TSPEAR: variants seen among roughly 807,000 people sequenced by gnomAD.
TSPEAR encodes the protein thrombospondin-type laminin G domain and EAR repeat-containing protein.
A neutral mutation model predicts 71.6 loss-of-function variants in TSPEAR; 69 were observed. The observed-to-expected ratio is 0.96, with a 90% CI of 0.79 to 1.18. The LOEUF is 1.18. TSPEAR is among the 50% of genes most tolerant of loss of function. TSPEAR has a pLI of 0.00. For synonymous variants in TSPEAR, 402 were observed against 387.2 expected (o/e 1.04, Z -0.45); for missense variants, 971 against 894.9 (o/e 1.09, Z -1.09).
intron 2 of TSPEAR, among the ~76,000 whole-genome samples, chr21:44,540,482 G>A (rs1358214617): frequency 1.3e-5 from 2 of 152,154 alleles, no homozygotes; most frequent in African/African-American, 4.8e-5. Context: ...AGTGCAGTCC[G>A]GGTTGTAAGA....
chr21:44,658,194 C>A (rs1985275338), intron 1 of TSPEAR: 5 of 1,613,994 alleles, frequency 3.1e-6, no homozygotes, highest in Non-Finnish European at 4.2e-6. Flanking sequence ...TCTTGCCAAT[C>A]TTCGGGGTGC....
At chr21:44,609,181 G>A (rs1981503123) in intron 1 of TSPEAR, among the ~76,000 whole-genome samples, 1 of 152,184 alleles carries the variant, frequency 6.6e-6, no homozygotes, top group Admixed American at 6.5e-5. Flanking sequence ...CTAATACTTA[G>A]GGAGGAGGGA....
In TSPEAR at chr21:44,628,294, T is replaced by G; in HGVS notation, c.83-60289A>C. 4 of 318,274 alleles carry G rather than the reference T, an allele frequency of 1.3e-5. 1 individual carries two copies. Among genetic ancestry groups the G allele is most frequent in the Non-Finnish European group, 2.4e-5 (4 of 168,844 alleles). 19.7% of individuals were successfully genotyped at this position (318,274 alleles called of 1,614,324 possible). A position where few individuals can be genotyped will look rare whatever the true frequency, so the allele number is the denominator to read the frequency against. ...CCACAACCCTCCGCTGGTCGCTGGT[T>G]GGGGACGGGCCCTCCTGACCCGGGT... On this transcript the variant is annotated intron_variant, in intron 1 of 11. Transcript: ENST00000323084.
intron 1 of TSPEAR, among the ~76,000 whole-genome samples, chr21:44,617,270 C>A (rs1042416092): frequency 6.6e-6 from 1 of 152,270 alleles, no homozygotes; most frequent in Non-Finnish European, 1.5e-5. Flanking sequence ...TCAGGGAGTT[C>A]TACTCAGGGA....
chr21:44,706,769 C>G (rs782550131), intron 1 of TSPEAR, among the ~76,000 whole-genome samples: 1 of 152,182 alleles, frequency 6.6e-6, no homozygotes, highest in Non-Finnish European at 1.5e-5. Context: ...AGAAGCGAGG[C>G]GAGCTTCTCT....
At chr21:44,649,234 G>A (rs1304946253) in intron 1 of TSPEAR, among the ~76,000 whole-genome samples, 1 of 152,180 alleles carries the variant, frequency 6.6e-6, no homozygotes, top group Non-Finnish European at 1.5e-5. Flanking sequence ...AGACACCCTC[G>A]CCCAGTTGTA....
intron 11 of TSPEAR, among the ~76,000 whole-genome samples, chr21:44,501,285 A>G (rs782206763): frequency 9.9e-5 from 15 of 151,956 alleles, no homozygotes; most frequent in Non-Finnish European, 1.6e-4. Flanking sequence ...CCCCATCTCT[A>G]TTAAAAATAC....
At chr21:44,643,702 C>T (rs892462546) in intron 1 of TSPEAR, among the ~76,000 whole-genome samples, 1 of 152,184 alleles carries the variant, frequency 6.6e-6, no homozygotes, top group Non-Finnish European at 1.5e-5. Flanking sequence ...AATACACACA[C>T]ATTCACACAC....
chr21:44,627,183 C>T (rs781927344), intron 1 of TSPEAR: 5 of 1,612,784 alleles, frequency 3.1e-6, no homozygotes, highest in Non-Finnish European at 4.2e-6. Context: ...TGGCCGCGTC[C>T]ACCATGTCCA....
rs202062638 is a variant in TSPEAR at position 44,612,724 on chromosome 21, C to T, written c.83-44719G>A. ...CCTCCTGCTGCAGACCCTCCTCCTC[C>T]GTGTCCCTCCTCTGCCGCCCTGTGT... On this transcript the variant is annotated intron_variant, in intron 1 of 11. Coordinates refer to ENST00000323084, the MANE Select transcript of TSPEAR (RefSeq NM_144991.3). The surrounding 1 kb of genome is among the most constrained non-coding windows in gnomAD (Gnocchi z 4.1). 82 of 1,613,630 alleles carry T rather than the reference C, an allele frequency of 5.1e-5. No individual in the cohort carries two copies. The highest frequency in any genetic ancestry group is 3.3e-4 in the Middle Eastern group (2 of 6,058).
intron 8 of TSPEAR, among the ~76,000 whole-genome samples, chr21:44,524,330 G>A (rs1206284509): frequency 2.0e-5 from 3 of 152,148 alleles, no homozygotes; most frequent in Non-Finnish European, 4.4e-5. Flanking sequence ...TAGTCAGTCA[G>A]ATAGTAAGTC....
At chr21:44,537,959 A>C (rs2053117730) in intron 2 of TSPEAR, among the ~76,000 whole-genome samples, 1 of 152,230 alleles carries the variant, frequency 6.6e-6, no homozygotes, top group South Asian at 2.1e-4. Context: ...AGCCGGGGTC[A>C]CGCGGGGTCC....
intron 9 of TSPEAR, among the ~76,000 whole-genome samples, chr21:44,513,036 C>T (rs782160619): frequency 6.6e-6 from 1 of 152,228 alleles, no homozygotes; most frequent in Non-Finnish European, 1.5e-5. Context: ...ACGAATGATT[C>T]TTTAGTCTGT....
At chr21:44,681,636 C>T in intron 1 of TSPEAR, 3 of 665,198 alleles carry the variant, frequency 4.5e-6, no homozygotes, top group Non-Finnish European at 7.2e-6. Context: ...TCTGGGACCC[C>T]AGACTTCCCT....
At chr21:44,651,478 G>C (rs1299832520) in intron 1 of TSPEAR, among the ~76,000 whole-genome samples, 2 of 152,182 alleles carry the variant, frequency 1.3e-5, no homozygotes, top group African/African-American at 4.8e-5. Context: ...GGCAGGGCGG[G>C]TTCCTTCGGG....
At chr21:44,647,436 A>G in intron 1 of TSPEAR, 1 of 1,476,492 alleles carries the variant, frequency 6.8e-7, no homozygotes, top group Non-Finnish European at 9.2e-7. Context: ...TGGAGTCCTC[A>G]GAATCCACCA....
rs1331404614 is a variant in TSPEAR, at chr21:44,642,569, C to G, written c.82+68864G>C. The stretch of plus-strand genomic sequence containing the variant: ...TCAAAAAATTAAAAATGGGGCCGGG[C>G]GCAGTGGCTCATGCCTGTAATCCCA... On this transcript the variant is annotated intron_variant, in intron 1 of 11. Coordinates refer to ENST00000323084, the MANE Select transcript of TSPEAR (RefSeq NM_144991.3). The surrounding 1 kb of genome is among the most constrained non-coding windows in gnomAD (Gnocchi z 4.1). 6.6e-6 allele frequency among the ~76,000 whole-genome samples: 1 copy of G among 152,186 alleles called. No homozygotes were observed. The highest frequency in any genetic ancestry group is 2.4e-5 in the African/African-American group (1 of 41,442).
At chr21:44,584,481 AT>A (rs1979212261) in intron 1 of TSPEAR, among the ~76,000 whole-genome samples, 1 of 152,160 alleles carries the variant, frequency 6.6e-6, no homozygotes, top group Non-Finnish European at 1.5e-5. Context: ...TCTATTTTTA[AT>A]TTGCTGAGGA....
intron 1 of TSPEAR, among the ~76,000 whole-genome samples, chr21:44,707,661 G>T (rs1326635047): frequency 6.6e-6 from 1 of 152,178 alleles, no homozygotes; most frequent in East Asian, 1.9e-4. Context: ...CTGACAATTT[G>T]CGCTTCAGGA....
Sources: gnomAD v4.1 joint callset for allele counts (sites outside exome capture counted in the v4.1 genomes callset) on GRCh38, gnomAD v4.1.1 for gene constraint, Gnocchi (gnomAD v3.1) non-coding constraint, MANE v1.5 for transcripts, NCBI Gene and HGNC (gene_info 2026-07-23, HGNC 2026-07-21) for gene names.